The following CRTAM variants were observed in gnomAD, a reference collection of about 807,000 sequenced individuals.
The protein encoded by CRTAM is cytotoxic and regulatory T cell molecule.
In CRTAM, 44 loss-of-function variants were observed where a neutral mutation model predicts 50.0. That is an observed-to-expected ratio of 0.88 (90% CI 0.69 to 1.13). The LOEUF is 1.13. Among genes scored for constraint, CRTAM ranks in the 50% most tolerant of loss-of-function variants. CRTAM has a pLI of 0.00. For synonymous variants in CRTAM, 159 were observed against 169.3 expected (o/e 0.94, Z 0.47); for missense variants, 448 against 457.5 (o/e 0.98, Z 0.19).
intron 1 of CRTAM, among the ~76,000 whole-genome samples, chr11:122,839,306 C>G (rs1861772006): frequency 6.6e-6 from 1 of 152,182 alleles, no homozygotes; most frequent in African/African-American, 2.4e-5. Flanking sequence ...AACTCAGTTT[C>G]TGCATCTTAA....
At position 122,851,961 on chromosome 11, in the gene CRTAM, G is replaced by A. The variant is rs923110105; in HGVS notation, c.346+116G>A. On this transcript the variant is annotated intron_variant, in intron 3 of 9. Coordinates refer to ENST00000227348, the MANE Select transcript of CRTAM (RefSeq NM_019604.4). ...TTGCCTAGAGCAAGGAATTGCCTGG[G>A]ACACCTCTGCCATCTTTTATTGAAA... is the stretch of plus-strand genomic sequence containing the variant. The A allele has an allele frequency of 1.1e-5, 9 of 827,806 alleles. No homozygotes were observed. In the South Asian group the frequency reaches 1.5e-4, roughly 13 times the overall value. The allele number at this position is 827,806 out of a possible 1,614,324, so 51.3% of individuals were successfully genotyped here.
chr11:122,845,230 C>T (rs933321606), intron 1 of CRTAM, among the ~76,000 whole-genome samples: 4 of 151,882 alleles, frequency 2.6e-5, no homozygotes, highest in African/African-American at 9.7e-5. Flanking sequence ...TCATATATGG[C>T]GAAGGAACAC....
At chr11:122,847,066 T>C (rs1469720102) in intron 1 of CRTAM, among the ~76,000 whole-genome samples, 2 of 152,242 alleles carry the variant, frequency 1.3e-5, no homozygotes, top group Non-Finnish European at 2.9e-5. Context: ...ATGTCATGCT[T>C]ACTATGGACT....
chr11:122,846,011 GA>G (rs927225819), intron 1 of CRTAM, among the ~76,000 whole-genome samples: 3 of 151,482 alleles, frequency 2.0e-5, no homozygotes, highest in Non-Finnish European at 4.4e-5. Flanking sequence ...CAGCTAAAGA[GA>G]AAAAAAACAA....
intron 5 of CRTAM, among the ~76,000 whole-genome samples, chr11:122,858,626 C>T (rs1002296249): frequency 5.9e-5 from 9 of 152,112 alleles, no homozygotes; most frequent in Admixed American, 1.3e-4. Context: ...ACCTCCCAGA[C>T]TTAAGTGATC....
Position 122,868,188 on chromosome 11 carries a change from A to G in CRTAM, c.1051+89A>G, listed in dbSNP as rs879056352. The stretch of plus-strand genomic sequence containing the variant: ...TCCAGAGAGACAGAGACAACAGAAT[A>G]TGTGTGTGTGTGTGTGTGTGTGTGT... On this transcript the variant is annotated intron_variant, in intron 9 of 9. Coordinates refer to ENST00000227348, the MANE Select transcript of CRTAM (RefSeq NM_019604.4). 0.021 allele frequency: 9,320 copies of G among 439,898 alleles called. 129 individuals are homozygous for G. The highest frequency in any genetic ancestry group is 0.031 in the South Asian group (1,083 of 35,100). The allele number at this position is 439,898 out of a possible 1,614,324, so 27.2% of individuals were successfully genotyped here.
At chr11:122,866,100 G>C (rs1353459294) in intron 7 of CRTAM, among the ~76,000 whole-genome samples, 1 of 152,144 alleles carries the variant, frequency 6.6e-6, no homozygotes, top group Non-Finnish European at 1.5e-5. Context: ...CACAGAGCAT[G>C]AGTCCCAAAC....
At chr11:122,861,579 A>G (rs889315084) in intron 5 of CRTAM, among the ~76,000 whole-genome samples, 1 of 150,624 alleles carries the variant, frequency 6.6e-6, no homozygotes, top group Non-Finnish European at 1.5e-5. Context: ...GGGATTACAA[A>G]CACACACACA....
At chr11:122,858,610 G>A (rs1198806077) in intron 5 of CRTAM, among the ~76,000 whole-genome samples, 1 of 152,016 alleles carries the variant, frequency 6.6e-6, no homozygotes, top group Non-Finnish European at 1.5e-5. Context: ...GCTCGCTGCA[G>A]CCTCTACCTC....
chr11:122,869,368 G>A (rs986411246), intron 9 of CRTAM, among the ~76,000 whole-genome samples: 1 of 152,232 alleles, frequency 6.6e-6, no homozygotes, highest in African/African-American at 2.4e-5. Flanking sequence ...GCACAGGTTA[G>A]TTGATAAATT....
chr11:122,838,705 G>C (rs1861761924), intron 1 of CRTAM, 113 bp downstream of exon 1: 2 of 912,934 alleles, frequency 2.2e-6, no homozygotes, highest in South Asian at 1.5e-5. Flanking sequence ...AGACAACCCA[G>C]GTAACTGCTA....
intron 1 of CRTAM, among the ~76,000 whole-genome samples, chr11:122,844,258 A>G (rs1207323789): frequency 6.6e-6 from 1 of 152,222 alleles, no homozygotes; most frequent in East Asian, 1.9e-4. Context: ...ATTCATAAGC[A>G]TGCATCCTAA....
At chr11:122,853,753 G>A (rs1198514002) in intron 3 of CRTAM, among the ~76,000 whole-genome samples, 190 bp from the exon 4 acceptor site, 1 of 151,908 alleles carries the variant, frequency 6.6e-6, no homozygotes, top group East Asian at 1.9e-4. Flanking sequence ...GGGAGGTGGC[G>A]GTTTCAGTGA....
At chr11:122,864,582 A>G in intron 6 of CRTAM, 54 bp from the exon 7 acceptor site, 1 of 1,238,368 alleles carries the variant, frequency 8.1e-7, no homozygotes, top group African/African-American at 1.5e-5. Flanking sequence ...AGTTGTATGT[A>G]GTCACATGTA....
chr11:122,851,865 C>T lies in CRTAM; in HGVS notation c.346+20C>T, dbSNP rs775945828. 2 of 1,611,704 alleles carry T rather than the reference C, an allele frequency of 1.2e-6. No individual in the cohort carries two copies. The highest frequency in any genetic ancestry group is 2.2e-5 in the East Asian group (1 of 44,842). On this transcript the variant is annotated intron_variant, in intron 3 of 9. Coordinates refer to ENST00000227348, the MANE Select transcript of CRTAM (RefSeq NM_019604.4). ...TGCTGGGTAGGTACCTGCAAGTGAA[C>T]CCAGTAGGGGAGCAATATGGATAGG...
At chr11:122,861,852 T>C (rs551477988) in intron 5 of CRTAM, among the ~76,000 whole-genome samples, 26 of 152,274 alleles carry the variant, frequency 1.7e-4, no homozygotes, top group Non-Finnish European at 3.2e-4. Flanking sequence ...AGGCTGACCC[T>C]CTGGAAACAT....
intron 6 of CRTAM, 51 bp from the exon 7 acceptor site, chr11:122,864,585 C>T: frequency 1.6e-6 from 2 of 1,275,816 alleles, no homozygotes; most frequent in Non-Finnish European, 2.3e-6. Flanking sequence ...TGTATGTAGT[C>T]ACATGTATAT....
chr11:122,851,876 A>G (rs764468088), intron 3 of CRTAM, 31 bp downstream of exon 3: 115 of 1,602,892 alleles, frequency 7.2e-5, no homozygotes, highest in Non-Finnish European at 9.0e-5. Flanking sequence ...CCAGTAGGGG[A>G]GCAATATGGA....
intron 6 of CRTAM, among the ~76,000 whole-genome samples, chr11:122,862,937 G>T (rs149867644): frequency 1.8e-4 from 28 of 152,260 alleles, no homozygotes; most frequent in African/African-American, 6.0e-4. Context: ...CACAGACTTG[G>T]TATCAACAAA....
Sources: gnomAD v4.1 joint callset for allele counts (sites outside exome capture counted in the v4.1 genomes callset) on GRCh38, gnomAD v4.1.1 for gene constraint, MANE v1.5 for transcripts, NCBI Gene and HGNC (gene_info 2026-07-23, HGNC 2026-07-21) for gene names.